The following SYPL1 variants were observed in gnomAD, a reference collection of about 807,000 sequenced individuals.
SYPL1 encodes the protein synaptophysin-like protein 1.
In SYPL1, 6 loss-of-function variants were observed where a neutral mutation model predicts 23.7. The ratio of observed to expected loss-of-function variants is 0.25; its 90% CI spans 0.14 to 0.50. The LOEUF is 0.50. Among genes scored for constraint, SYPL1 ranks in the 20% least tolerant of loss-of-function variants. The pLI is 0.98. For synonymous variants in SYPL1, 102 were observed against 104.5 expected, an observed-to-expected ratio of 0.98 and a Z score of 0.15; for missense variants, 253 against 288.9, an observed-to-expected ratio of 0.88 and a Z score of 0.90.
chr7:106,112,116 C>A, intron 1 of SYPL1, 24 bp downstream of exon 1: 1 of 1,438,414 alleles, frequency 7.0e-7, no homozygotes, highest in East Asian at 2.9e-5. Flanking sequence ...GCAGGCGGGC[C>A]TGGCCGGCGC....
intron 1 of SYPL1, among the ~76,000 whole-genome samples, chr7:106,107,587 C>T (rs1840669977): frequency 6.6e-6 from 1 of 151,778 alleles, no homozygotes; most frequent in African/African-American, 2.4e-5. Flanking sequence ...ACTAAAAATA[C>T]AAAAATTAGC....
At position 106,093,119 on chromosome 7, in the gene SYPL1, C is replaced by G. The variant is rs140128263; in HGVS notation, c.421G>C (p.Val141Leu). The change falls in exon 4 of 5, where the codon GTT (valine) becomes CTT (leucine). Residue 141 changes from valine to leucine, a missense_variant. By Grantham distance (32) the Val-to-Leu change is conservative (BLOSUM62 1). Coordinates refer to ENST00000455385, the MANE Select transcript of SYPL1 (RefSeq NM_182715.4). The part of the protein sequence containing the change: ...LPMIDFVVTL[V>L]ATFLWLVSTS... Reference sequence around the variant, plus strand: ...CTCACCAACCACAAAAAAGTGGCAACAAGTGTAACAACAAAGTCCTAAAGC... The same window carrying G: ...CTCACCAACCACAAAAAAGTGGCAAGAAGTGTAACAACAAAGTCCTAAAGC... The G allele has an allele frequency of 2.8e-4, 446 of 1,605,852 alleles. 1 individual carries two copies. The African/African-American group carries it at 5.7e-3, about 21-fold the overall frequency.
At chr7:106,106,079 CAAT>C (rs1233383974) in intron 1 of SYPL1, among the ~76,000 whole-genome samples, 1 of 152,016 alleles carries the variant, frequency 6.6e-6, no homozygotes, top group Non-Finnish European at 1.5e-5. Flanking sequence ...GGTGGCACAA[CAAT>C]AAAAAATTAT....
In SYPL1 at chr7:106,095,854, G is replaced by A. The variant is rs985446147; in HGVS notation, c.402+1836C>T. ...ATTACTTTTTACGTTTCTGAATGAT[G>A]CAACTAGGTCAGTTTTATAGTTTTA... On this transcript the variant is annotated intron_variant, in intron 3 of 4. Transcript: ENST00000455385. The surrounding 1 kb of genome is among the most constrained non-coding windows in gnomAD (Gnocchi z 4.3). Among the ~76,000 whole-genome samples the A allele has an allele frequency of 1.3e-5, 2 of 152,088 alleles. No homozygotes were observed. The highest frequency in any genetic ancestry group is 2.9e-5 in the Non-Finnish European group (2 of 68,024).
At chr7:106,094,165 A>G (rs892511970) in intron 3 of SYPL1, among the ~76,000 whole-genome samples, 4 of 152,224 alleles carry the variant, frequency 2.6e-5, no homozygotes, top group South Asian at 2.1e-4. Context: ...GGAGCTTATC[A>G]CAGAAGCATT....
In SYPL1 at chr7:106,109,029, A is replaced by T. The variant is rs1790011217; in HGVS notation, c.69+3111T>A. Among the ~76,000 whole-genome samples, 1 of 152,260 alleles carries T rather than the reference A, an allele frequency of 6.6e-6. No homozygotes were observed. Among genetic ancestry groups the T allele is most frequent in the South Asian group, 2.1e-4 (1 of 4,836 alleles). ...CTGCCACATACTTGCAGTTAAAAAC[A>T]AAAAACCAAAAACAAAAAAGAACAA... On this transcript the variant is annotated intron_variant, in intron 1 of 4. Coordinates refer to ENST00000455385, the MANE Select transcript of SYPL1 (RefSeq NM_182715.4). The surrounding 1 kb of genome is among the most constrained non-coding windows in gnomAD (Gnocchi z 4.3).
At position 106,104,229 on chromosome 7, in the gene SYPL1, C is replaced by T. The variant is rs1291938657; in HGVS notation, c.70-4947G>A. ...TATGAACTCTACTATAGGCATTTTT[C>T]TTGTGTAACTTGCTTTCTAAAAAAT... On this transcript the variant is annotated intron_variant, in intron 1 of 4. Transcript: ENST00000455385. The surrounding 1 kb of genome is among the most constrained non-coding windows in gnomAD (Gnocchi z 4.1). Among the ~76,000 whole-genome samples the T allele has an allele frequency of 2.0e-5, 3 of 152,030 alleles. No homozygotes were observed. Among genetic ancestry groups the T allele is most frequent in the Non-Finnish European group, 4.4e-5 (3 of 68,008 alleles).
rs1839984270 is a variant in SYPL1, at chr7:106,095,680, T to G, written c.402+2010A>C. 6.6e-6 allele frequency among the ~76,000 whole-genome samples: 1 copy of G among 152,216 alleles called. No individual in the cohort carries two copies. Among genetic ancestry groups the G allele is most frequent in the East Asian group, 1.9e-4 (1 of 5,208 alleles). ...CAAAGAAAATCTTTTAATATTTTTA[T>G]GGTTACATTAAAAATAGAACTGAAA... On this transcript the variant is annotated intron_variant, in intron 3 of 4. Transcript: ENST00000455385. The surrounding 1 kb of genome is among the most constrained non-coding windows in gnomAD (Gnocchi z 4.3).
chr7:106,107,736 C>T (rs1338239654), intron 1 of SYPL1, among the ~76,000 whole-genome samples: 32 of 123,972 alleles, frequency 2.6e-4, no homozygotes, highest in African/African-American at 1.1e-3. Context: ...AGCAAGACTC[C>T]GTCTCCAAAA....
intron 3 of SYPL1, 152 bp from the exon 4 acceptor site, chr7:106,093,289 G>C: frequency 3.0e-6 from 2 of 656,028 alleles, no homozygotes; most frequent in Non-Finnish European, 2.4e-6. Flanking sequence ...AGTCAGCATA[G>C]TAAACATTGC....
At position 106,097,723 on chromosome 7, in the gene SYPL1, A is replaced by T; in HGVS notation, c.369T>A (p.Ser123Arg). 2 of 1,613,674 alleles carry T rather than the reference A, an allele frequency of 1.2e-6. No individual in the cohort carries two copies. Among genetic ancestry groups the T allele is most frequent in the South Asian group, 2.2e-5 (2 of 91,018 alleles). The change falls in exon 3 of 5, where the codon AGT becomes AGA. Residue 123 changes from serine (S) to arginine (R), a missense_variant. Transcript: ENST00000455385. This position sits in a 1 kb window ranked among gnomAD's most constrained non-coding sequence, Gnocchi z 4.6. ...GAAGTTTACGACTATCCAGATACAG[A>T]CTCGTGTAGCCAACATAAAGCAGAA... is the stretch of plus-strand genomic sequence containing the variant. ...AALLLYVGYT[S>R]LYLDSRKLPM...
intron 1 of SYPL1, among the ~76,000 whole-genome samples, chr7:106,102,771 C>T (rs571636928): frequency 8.5e-5 from 13 of 152,218 alleles, no homozygotes; most frequent in Admixed American, 7.8e-4. Flanking sequence ...CTGCTAAGCT[C>T]GGCGTAATTT....
At position 106,095,958 on chromosome 7, in the gene SYPL1, A is replaced by T. The variant is rs566864905; in HGVS notation, c.402+1732T>A. 1.1e-4 allele frequency among the ~76,000 whole-genome samples: 17 copies of T among 152,334 alleles called. 1 individual carries two copies. Among genetic ancestry groups the T allele is most frequent in the South Asian group, 6.2e-4 (3 of 4,828 alleles). On this transcript the variant is annotated intron_variant, in intron 3 of 4. Transcript: ENST00000455385. The surrounding 1 kb of genome is among the most constrained non-coding windows in gnomAD (Gnocchi z 4.3). ...GTATTTTTAAAAGTTTACTAGACAA[A>T]ATATGAGAAATAAAGGGCACACTGA...
intron 1 of SYPL1, among the ~76,000 whole-genome samples, chr7:106,101,237 G>T (rs1840294282): frequency 6.6e-6 from 1 of 152,170 alleles, no homozygotes; most frequent in Non-Finnish European, 1.5e-5. Flanking sequence ...ATAGAAACTT[G>T]AAGAGGTCAG....
chr7:106,099,406 CT>C, intron 1 of SYPL1, 124 bp from the exon 2 acceptor site: 4 of 1,215,430 alleles, frequency 3.3e-6, no homozygotes, highest in Non-Finnish European at 3.4e-6. Flanking sequence ...TCTAGAAATT[CT>C]TTTTTTGAGA....
At chr7:106,106,551 CAA>C (rs760354395) in intron 1 of SYPL1, among the ~76,000 whole-genome samples, 3 of 117,424 alleles carry the variant, frequency 2.6e-5, no homozygotes, top group African/African-American at 9.5e-5. Flanking sequence ...GACTCTGTCT[CAA>C]AAAAAAAAAA....
rs1251571858 is a variant in SYPL1 at position 106,109,543 on chromosome 7, A to G, written c.69+2597T>C. Among the ~76,000 whole-genome samples the G allele has an allele frequency of 6.6e-6, 1 of 152,158 alleles. No individual in the cohort carries two copies. The highest frequency in any genetic ancestry group is 2.4e-5 in the African/African-American group (1 of 41,424). On this transcript the variant is annotated intron_variant, in intron 1 of 4. Transcript: ENST00000455385. This position sits in a 1 kb window ranked among gnomAD's most constrained non-coding sequence, Gnocchi z 4.3. ...TCTCCTTTGCAGGCAGATATCTGCT[A>G]TATCTGCAGCCCAAACTCATATTTT...
At position 106,093,110 on chromosome 7, in the gene SYPL1, A is replaced by T. The variant is rs748323041; in HGVS notation, c.430T>A (p.Phe144Ile). The change falls in exon 4 of 5, where the codon TTT becomes ATT. Residue 144 changes from phenylalanine (F) to isoleucine (I), a missense_variant. By Grantham distance (21) the Phe-to-Ile change is conservative (BLOSUM62 0). Transcript: ENST00000455385. Reference sequence around the variant, plus strand: ...GCTGAAGTGCTCACCAACCACAAAAAAGTGGCAACAAGTGTAACAACAAAG... The same window carrying T: ...GCTGAAGTGCTCACCAACCACAAAATAGTGGCAACAAGTGTAACAACAAAG... ...IDFVVTLVAT[F>I]LWLVSTSAWA... 6.2e-7 allele frequency: 1 copy of T among 1,607,584 alleles called. No individual in the cohort carries two copies. The highest frequency in any genetic ancestry group is 1.1e-5 in the South Asian group (1 of 89,264).
chr7:106,101,904 G>T (rs1369478638), intron 1 of SYPL1, among the ~76,000 whole-genome samples: 1 of 152,088 alleles, frequency 6.6e-6, no homozygotes, highest in African/African-American at 2.4e-5. Context: ...GTAGATCACG[G>T]AGGAAAGGAA....
Sources: allele counts gnomAD v4.1 joint callset (sites outside exome capture counted in the v4.1 genomes callset), GRCh38; gene constraint gnomAD v4.1.1; non-coding constraint Gnocchi (gnomAD v3.1); transcripts MANE v1.5; gene names NCBI Gene and HGNC (gene_info 2026-07-23, HGNC 2026-07-21).